Variants in SCYL3 observed in about 807,000 individuals in gnomAD.
SCYL3 encodes SCY1 like pseudokinase 3.
SCYL3 carries 35 observed loss-of-function variants against 73.8 expected under a neutral mutation model. The ratio of observed to expected loss-of-function variants is 0.47; its 90% CI spans 0.36 to 0.63. The LOEUF is 0.63. SCYL3 is among the 20% of genes least tolerant of loss of function. The probability of loss-of-function intolerance (pLI) is 0.00; values close to 1 mark genes in which losing one functional copy is unlikely to be tolerated. For missense variants in SCYL3, 712 were observed against 798.9 expected, an observed-to-expected ratio of 0.89 and a Z score of 1.31; for synonymous variants, 277 against 295.2, an observed-to-expected ratio of 0.94 and a Z score of 0.63.
chr1:169,870,755 CT>C (rs200804181), intron 5 of SCYL3, among the ~76,000 whole-genome samples: 5,659 of 145,600 alleles, frequency 0.039, 172 homozygotes, highest in South Asian at 0.11. Flanking sequence ...TTCTTTTATT[CT>C]TTTTTTTTTT....
chr1:169,852,673 T>C lies in SCYL3; in HGVS notation c.*1040A>G, dbSNP rs1055854155. The stretch of plus-strand genomic sequence containing the variant: ...GTAGGGGTTTTGGGGTGCATCCTCC[T>C]ACCCTTGTGATCCAATGACTAGAAT... On this transcript the variant is annotated 3_prime_UTR_variant, in exon 13 of 13. Coordinates refer to ENST00000367771, the MANE Select transcript of SCYL3 (RefSeq NM_020423.7). The C allele has an allele frequency of 4.5e-5, 48 of 1,077,030 alleles. No individual in the cohort carries two copies. Among genetic ancestry groups the C allele is most frequent in the Non-Finnish European group, 6.5e-5 (48 of 739,756 alleles). The allele number at this position is 1,077,030 out of a possible 1,614,324, so 66.7% of individuals were successfully genotyped here.
chr1:169,888,613 T>G, intron 2 of SCYL3, 63 bp downstream of exon 2: 1 of 1,363,066 alleles, frequency 7.3e-7, no homozygotes, highest in Non-Finnish European at 1.0e-6. Flanking sequence ...AATTTCATAT[T>G]TTTTTAAAAG....
Position 169,853,672 on chromosome 1 carries a change from A to C in SCYL3, c.*41T>G. On this transcript the variant is annotated 3_prime_UTR_variant, in exon 13 of 13. Coordinates refer to ENST00000367771, the MANE Select transcript of SCYL3 (RefSeq NM_020423.7). ...TTTGAGGTATTGATTTTTTTTAAAA[A>C]AAGGGAATCCTTTTTCCTAAAGTTT... is the stretch of plus-strand genomic sequence containing the variant. The C allele has an allele frequency of 6.2e-7, 1 of 1,603,628 alleles. No individual in the cohort carries two copies. Among genetic ancestry groups the C allele is most frequent in the South Asian group, 1.1e-5 (1 of 89,674 alleles).
Position 169,873,718 on chromosome 1 carries a change from G to T in SCYL3, c.500C>A (p.Ala167Glu), listed in dbSNP as rs938636394. The T allele has an allele frequency of 1.2e-6, 2 of 1,604,056 alleles. No individual in the cohort carries two copies. Among genetic ancestry groups the T allele is most frequent in the Admixed American group, 1.7e-5 (1 of 59,830 alleles). ...TACCATCTCTTCAGGAGGGATAGAT[G>T]CTGGGTCTCTTATTGACTGAATACT... ...LRSIQSIRDP[A>E]SIPPEEMSPE... The change falls in exon 5 of 13, where the codon GCA (alanine) becomes GAA (glutamate). Residue 167 changes from alanine to glutamate, a missense_variant. Transcript: ENST00000367771.
Position 169,854,431 on chromosome 1 carries a change from CT to C in SCYL3, c.1845del (p.Asp616IlefsTer10). 6.2e-7 allele frequency: 1 copy of C among 1,614,090 alleles called. No individual in the cohort carries two copies. ...FTIQVKKKPV[K>X]DPEMDWFADM... ...TCAGCAAACCAATCCATCTCAGGAT[CT>C]TTTACTGGCTTCTTTTTTACTTGAA... On this transcript the variant is annotated frameshift_variant, in exon 12 of 13. Coordinates refer to ENST00000367771, the MANE Select transcript of SCYL3 (RefSeq NM_020423.7). LOFTEE classifies it high-confidence loss of function.
chr1:169,878,372 A>G (rs1218610678), intron 3 of SCYL3, among the ~76,000 whole-genome samples: 9 of 152,250 alleles, frequency 5.9e-5, no homozygotes, highest in African/African-American at 1.2e-4. Flanking sequence ...ATCCAAAACT[A>G]GAGACAGACT....
At chr1:169,879,360 T>C (rs1325489289) in intron 2 of SCYL3, among the ~76,000 whole-genome samples, 1 of 152,034 alleles carries the variant, frequency 6.6e-6, no homozygotes, top group Non-Finnish European at 1.5e-5. Flanking sequence ...GGAAGGTGAG[T>C]ATGAGGAGGG....
At chr1:169,877,585 G>GA (rs1037081903) in intron 3 of SCYL3, among the ~76,000 whole-genome samples, 1 of 152,014 alleles carries the variant, frequency 6.6e-6, no homozygotes, top group Non-Finnish European at 1.5e-5. Context: ...CTCCATTTGA[G>GA]AAAAAAATGA....
At chr1:169,871,341 A>G (rs1026523894) in intron 5 of SCYL3, among the ~76,000 whole-genome samples, 2 of 152,138 alleles carry the variant, frequency 1.3e-5, no homozygotes, top group South Asian at 4.1e-4. Context: ...ACAAGATCTG[A>G]TGGCTTTAAA....
chr1:169,893,463 G>A (rs887763629), intron 1 of SCYL3, among the ~76,000 whole-genome samples: 10 of 152,066 alleles, frequency 6.6e-5, no homozygotes, highest in African/African-American at 2.2e-4. Context: ...CTCTCGCTTC[G>A]CTGGCCCCTC....
rs746029915 is a variant in SCYL3 at position 169,869,044 on chromosome 1, A to T, written c.626-5T>A. 6.2e-7 allele frequency: 1 copy of T among 1,609,212 alleles called. No individual in the cohort carries two copies. The highest frequency in any genetic ancestry group is 8.5e-7 in the Non-Finnish European group (1 of 1,175,570). On this transcript the variant is annotated splice_polypyrimidine_tract_variant and splice_region_variant and intron_variant, in intron 6 of 12. Transcript: ENST00000367771. ...TGGAGAGAACATCCGCTGAAACTGA[A>T]ATCCAGAGCTACAGTTAGTTTCCAA...
At chr1:169,864,082 C>A (rs1659854038) in intron 9 of SCYL3, among the ~76,000 whole-genome samples, 1 of 152,142 alleles carries the variant, frequency 6.6e-6, no homozygotes, top group Non-Finnish European at 1.5e-5. Flanking sequence ...TGTAAAAGTT[C>A]TTTGAAGATG....
At chr1:169,886,344 C>G (rs925582066) in intron 2 of SCYL3, among the ~76,000 whole-genome samples, 2 of 152,088 alleles carry the variant, frequency 1.3e-5, no homozygotes, top group African/African-American at 4.8e-5. Context: ...AGGAGAACAG[C>G]TTTCTCCAAT....
chr1:169,886,816 A>G (rs1180273049), intron 2 of SCYL3, among the ~76,000 whole-genome samples: 1 of 152,244 alleles, frequency 6.6e-6, no homozygotes, highest in Non-Finnish European at 1.5e-5. Context: ...CAGAGCTTAT[A>G]CCTGCATTTC....
rs1019782231 is a variant in SCYL3, at chr1:169,868,988, A to C, written c.677T>G (p.Leu226Arg). The C allele has an allele frequency of 6.2e-7, 1 of 1,614,194 alleles. No individual in the cohort carries two copies. The highest frequency in any genetic ancestry group is 8.5e-7 in the Non-Finnish European group (1 of 1,180,034). ...TGGCCGACATTTTGGAATGGGATTCAGCAAAGTTGAGTGCAAGGTCTGTTG... is the reference window on the plus strand; with the variant it reads ...TGGCCGACATTTTGGAATGGGATTCCGCAAAGTTGAGTGCAAGGTCTGTTG... ...SFQQTLHSTL[L>R]NPIPKCRPAL... is the part of the protein sequence containing the mutation. Residue 226 changes from leucine (L) to arginine (R), a missense_variant, in exon 7 of 13, where the codon CTG (leucine) becomes CGG (arginine). Physicochemically the swap from Leu to Arg is moderately radical, Grantham distance 102. Coordinates refer to ENST00000367771, the MANE Select transcript of SCYL3 (RefSeq NM_020423.7).
At position 169,893,776 on chromosome 1, in the gene SCYL3, G is replaced by T. The variant is rs1209811933; in HGVS notation, c.-51+12C>A. The T allele has an allele frequency of 6.6e-6, 1 of 152,494 alleles. No individual in the cohort carries two copies. Among genetic ancestry groups the T allele is most frequent in the East Asian group, 1.9e-4 (1 of 5,176 alleles). The allele number at this position is 152,494 out of a possible 1,614,324, so 9.4% of individuals were successfully genotyped here. On this transcript the variant is annotated intron_variant, in intron 1 of 12. Transcript: ENST00000367771. ...GCAAGGACTGGGGGCGCAGCGCAGG[G>T]CTCCCTGTTACCTGCAGGAAGGCGG...
chr1:169,855,971 A>C (rs777559207), intron 11 of SCYL3: 1 of 1,606,340 alleles, frequency 6.2e-7, no homozygotes, highest in Admixed American at 1.7e-5. Context: ...AAGGTAAATA[A>C]AAACTCCAAA....
At position 169,854,515 on chromosome 1, in the gene SCYL3, A is replaced by T. The variant is rs1658934855; in HGVS notation, c.1762T>A (p.Ser588Thr). The change falls in exon 12 of 13, where the codon TCA (serine) becomes ACA (threonine). Residue 588 changes from serine (S) to threonine (T), a missense_variant. Transcript: ENST00000367771. ...ADQIEPPKVSSQERPLKVPSE... is the reference protein window; with the variant it reads ...ADQIEPPKVSTQERPLKVPSE... Reference sequence around the variant, plus strand: ...GGAACCTTAAGGGGCCTTTCTTGTGATGACACTTTTGGCGGCTCGATTTGG... The same window carrying T: ...GGAACCTTAAGGGGCCTTTCTTGTGTTGACACTTTTGGCGGCTCGATTTGG... 1.9e-6 allele frequency: 3 copies of T among 1,613,844 alleles called. No homozygotes were observed. Among genetic ancestry groups the T allele is most frequent in the Non-Finnish European group, 2.5e-6 (3 of 1,179,972 alleles).
chr1:169,864,152 C>CTA (rs1479547756), intron 9 of SCYL3, among the ~76,000 whole-genome samples: 1 of 152,180 alleles, frequency 6.6e-6, no homozygotes, highest in Non-Finnish European at 1.5e-5. Flanking sequence ...ATAACACTTA[C>CTA]TATAGTAAAT....
Sources: allele counts gnomAD v4.1 joint callset (sites outside exome capture counted in the v4.1 genomes callset), GRCh38; gene constraint gnomAD v4.1.1; transcripts MANE v1.5; gene names NCBI Gene and HGNC (gene_info 2026-07-23, HGNC 2026-07-21).